Variants in GLT6D1 observed in about 807,000 individuals in gnomAD.
The protein encoded by GLT6D1 is glycosyltransferase 6 domain containing 1.
In GLT6D1, 9 loss-of-function variants were observed where a neutral mutation model predicts 12.3. The ratio of observed to expected loss-of-function variants is 0.73; its 90% CI spans 0.44 to 1.27. GLT6D1 has a LOEUF of 1.27. Among genes scored for constraint, GLT6D1 ranks in the 50% most tolerant of loss-of-function variants. The pLI, the probability that GLT6D1 is intolerant of heterozygous loss-of-function variation, is 0.00. For missense variants in GLT6D1, 335 were observed against 346.2 expected, an observed-to-expected ratio of 0.97 and a Z score of 0.26; for synonymous variants, 128 against 132.3, an observed-to-expected ratio of 0.97 and a Z score of 0.23.
chr9:135,629,192 C>T (rs1833582722), intron 3 of GLT6D1, among the ~76,000 whole-genome samples: 1 of 152,048 alleles, frequency 6.6e-6, no homozygotes. Flanking sequence ...CTCATCTCTA[C>T]AAAAAAATTC....
intron 4 of GLT6D1, among the ~76,000 whole-genome samples, chr9:135,625,360 G>A (rs1833483575): frequency 6.6e-6 from 1 of 152,140 alleles, no homozygotes; most frequent in Non-Finnish European, 1.5e-5. Flanking sequence ...AGAAATTGAA[G>A]GAAATCGTGT....
chr9:135,624,724 C>CTTTTTTTTTTTTTTTTTTTTTTTTTTT (rs72471205), intron 4 of GLT6D1, 54 bp from the exon 5 acceptor site: 1 of 494,292 alleles, frequency 2.0e-6, no homozygotes, highest in African/African-American at 3.5e-5. Context: ...TCTTTTCTTT[C>CTTTTTTTTTTTTTTTTTTTTTTTTTTT]TTTTTTTTTT....
intron 2 of GLT6D1, among the ~76,000 whole-genome samples, chr9:135,636,850 T>A (rs1347659548): frequency 6.6e-6 from 1 of 152,080 alleles, no homozygotes; most frequent in Non-Finnish European, 1.5e-5. Context: ...AGCTGATTTC[T>A]TTTTTTTCTT....
intron 4 of GLT6D1, among the ~76,000 whole-genome samples, chr9:135,625,588 C>T (rs1833492181): frequency 6.6e-6 from 1 of 152,176 alleles, no homozygotes; most frequent in Non-Finnish European, 1.5e-5. Flanking sequence ...TCAGCCTGCT[C>T]AGCTACTTAG....
intron 2 of GLT6D1, among the ~76,000 whole-genome samples, chr9:135,638,218 A>C (rs1833820205): frequency 6.6e-6 from 1 of 152,256 alleles, no homozygotes; most frequent in Admixed American, 6.5e-5. Context: ...CGTATTCACT[A>C]TCATGAGAAT....
intron 3 of GLT6D1, among the ~76,000 whole-genome samples, chr9:135,628,985 G>C (rs1182545329): frequency 6.6e-6 from 1 of 151,882 alleles, no homozygotes; most frequent in South Asian, 2.1e-4. Context: ...TGGCAAATTT[G>C]TTTATCTTTT....
At chr9:135,626,027 A>G in intron 4 of GLT6D1, 42 bp downstream of exon 4, 1 of 1,607,786 alleles carries the variant, frequency 6.2e-7, no homozygotes, top group Non-Finnish European at 8.5e-7. Context: ...GCTGATCCAC[A>G]TTTTCCCAAA....
At chr9:135,631,354 T>A in intron 3 of GLT6D1, 77 bp downstream of exon 3, 2 of 1,147,046 alleles carry the variant, frequency 1.7e-6, no homozygotes, top group South Asian at 1.2e-5. Context: ...ATTTGGTGAC[T>A]GGGGAAGAAA....
chr9:135,626,415 C>T (rs1054849947), intron 3 of GLT6D1, among the ~76,000 whole-genome samples: 1 of 152,216 alleles, frequency 6.6e-6, no homozygotes, highest in African/African-American at 2.4e-5. Context: ...GAGGCACACA[C>T]GGTTGAGTAA....
chr9:135,631,669 G>A (rs2119141844), intron 2 of GLT6D1, among the ~76,000 whole-genome samples, 191 bp from the exon 3 acceptor site: 1 of 152,226 alleles, frequency 6.6e-6, no homozygotes, highest in South Asian at 2.1e-4. Flanking sequence ...AAGAGATGTA[G>A]GGAAAGGAGG....
chr9:135,639,086 A>C lies in GLT6D1; in HGVS notation c.71+31T>G, dbSNP rs762488050. 15 of 1,216,674 alleles carry C rather than the reference A, an allele frequency of 1.2e-5. No individual in the cohort carries two copies. In the Middle Eastern group the frequency reaches 7.1e-4, roughly 58 times the overall value. The allele number at this position is 1,216,674 out of a possible 1,614,324, so 75.4% of individuals were successfully genotyped here. ...TAAAACCACCTCTGCCAATCACTAA[A>C]GATCATGATTTATCAATACTTTATA... On this transcript the variant is annotated intron_variant, in intron 2 of 4. Transcript: ENST00000371763.
intron 4 of GLT6D1, 54 bp from the exon 5 acceptor site, chr9:135,624,724 CTTTTTTTTTTTTTTT>C: frequency 3.6e-6 from 2 of 559,448 alleles, no homozygotes; most frequent in South Asian, 3.1e-5. Flanking sequence ...TCTTTTCTTT[CTTTTTTTTTTTTTTT>C]TTTTTTTTGA....
chr9:135,627,215 A>C (rs1833543134), intron 3 of GLT6D1, among the ~76,000 whole-genome samples: 1 of 143,306 alleles, frequency 7.0e-6, no homozygotes, highest in South Asian at 2.4e-4. Flanking sequence ...ATAATTGTCT[A>C]CATAGAAAAT....
chr9:135,626,311 A>G, intron 3 of GLT6D1, 105 bp from the exon 4 acceptor site: 1 of 1,251,140 alleles, frequency 8.0e-7, no homozygotes, highest in Non-Finnish European at 1.1e-6. Flanking sequence ...GTGCGCGCCC[A>G]GCTCCGTGTT....
chr9:135,632,726 G>T (rs1037758321), intron 2 of GLT6D1, among the ~76,000 whole-genome samples: 3 of 150,830 alleles, frequency 2.0e-5, no homozygotes, highest in Non-Finnish European at 4.4e-5. Flanking sequence ...GGAGTGCAGT[G>T]GCGCAATCTC....
At chr9:135,634,033 CTCTT>C (rs1163015562) in intron 2 of GLT6D1, among the ~76,000 whole-genome samples, 3 of 152,296 alleles carry the variant, frequency 2.0e-5, no homozygotes, top group African/African-American at 7.2e-5. Context: ...GCATCTGAAA[CTCTT>C]TATAACTGGC....
At chr9:135,632,214 T>C (rs7048456) in intron 2 of GLT6D1, among the ~76,000 whole-genome samples, 113,490 of 149,724 alleles carry the variant, frequency 0.76, 43,088 homozygotes, top group East Asian at 0.95. Flanking sequence ...TTCACTGCAG[T>C]CTCAACCTCC....
At position 135,639,343 on chromosome 9, in the gene GLT6D1, T is replaced by A; in HGVS notation, c.-57A>T. 1 of 539,444 alleles carries A rather than the reference T, an allele frequency of 1.9e-6. No homozygotes were observed. Among genetic ancestry groups the A allele is most frequent in the Non-Finnish European group, 3.3e-6 (1 of 302,896 alleles). The allele number at this position is 539,444 out of a possible 1,614,324, so 33.4% of individuals were successfully genotyped here. A position where few individuals can be genotyped will look rare whatever the true frequency, so the allele number is the denominator to read the frequency against. On this transcript the variant is annotated 5_prime_UTR_variant, in exon 1 of 5. Coordinates refer to ENST00000371763, the MANE Select transcript of GLT6D1 (RefSeq NM_182974.3). ...AGCTGGCAGGAGACAGCGACTTGAG[T>A]TAGGGAAGCCTCTGTTCTCCTTCAA...
chr9:135,625,546 G>A (rs1371526356), intron 4 of GLT6D1, among the ~76,000 whole-genome samples: 1 of 152,118 alleles, frequency 6.6e-6, no homozygotes, highest in African/African-American at 2.4e-5. Context: ...AACTTTACTA[G>A]TCTGCAAAAT....
Sources: gnomAD v4.1 joint callset for allele counts (sites outside exome capture counted in the v4.1 genomes callset) on GRCh38, gnomAD v4.1.1 for gene constraint, MANE v1.5 for transcripts, NCBI Gene and HGNC (gene_info 2026-07-23, HGNC 2026-07-21) for gene names.